Variants in XRN1 observed in about 807,000 individuals in gnomAD.
The protein encoded by XRN1 is 5'-3' exoribonuclease 1.
In XRN1, 67 loss-of-function variants were observed where a neutral mutation model predicts 222.3. That is an observed-to-expected ratio of 0.30 (90% CI 0.25 to 0.37). The LOEUF (loss-of-function observed/expected upper bound fraction) is 0.37. Ranked by LOEUF, XRN1 falls within the 10% of genes least tolerant of loss-of-function variation. The pLI is 1.00. For synonymous variants in XRN1, 643 were observed against 652.4 expected, an observed-to-expected ratio of 0.99 and a Z score of 0.22; for missense variants, 1,707 against 2,000.2, an observed-to-expected ratio of 0.85 and a Z score of 2.80.
chr3:142,325,483 G>A (rs181776256), intron 37 of XRN1, among the ~76,000 whole-genome samples: 35 of 151,894 alleles, frequency 2.3e-4, no homozygotes, highest in Non-Finnish European at 4.0e-4. Context: ...TTTGTTACAT[G>A]GGTATATTGC....
At chr3:142,409,076 TATACTCTGGATACCAGTCTC>T (rs1359914882) in intron 15 of XRN1, among the ~76,000 whole-genome samples, 1 of 152,268 alleles carries the variant, frequency 6.6e-6, no homozygotes, top group Non-Finnish European at 1.5e-5. Context: ...GAGCTGGTTA[TATACTCTGGATACCAGTCTC>T]ATGCATGTGT....
In XRN1 at chr3:142,425,268, T is replaced by C; in HGVS notation, c.581A>G (p.His194Arg). ...FIRSEKAKPD[H>R]DPNTRHCLYG... ...AAGACAGTGTCTGGTGTTTGGATCA[T>C]GATCTGGCTTTGCTTTCTCGGATCT... The change falls in exon 5 of 41, where the codon CAT becomes CGT. Residue 194 changes from histidine (H) to arginine (R), a missense_variant. This residue lies in a region of XRN1 where 1,234 missense variants were observed against 1,518.2 expected (regional missense o/e 0.81). Coordinates refer to ENST00000392981, the MANE Select transcript of XRN1 (RefSeq NM_001282857.2). The C allele has an allele frequency of 6.2e-7, 1 of 1,607,442 alleles. No homozygotes were observed. Among genetic ancestry groups the C allele is most frequent in the Non-Finnish European group, 8.5e-7 (1 of 1,176,786 alleles).
intron 13 of XRN1, among the ~76,000 whole-genome samples, chr3:142,415,497 G>C (rs1204957289): frequency 6.6e-6 from 1 of 152,162 alleles, no homozygotes; most frequent in African/African-American, 2.4e-5. Flanking sequence ...CTGTAAAAGG[G>C]AGAAAACAAT....
intron 23 of XRN1, among the ~76,000 whole-genome samples, chr3:142,378,069 G>A (rs80048296): frequency 1.3e-5 from 2 of 151,522 alleles, no homozygotes; most frequent in African/African-American, 4.8e-5. Flanking sequence ...TACTATTAGT[G>A]GAAAAAAAAA....
intron 33 of XRN1, among the ~76,000 whole-genome samples, chr3:142,339,893 C>T (rs2107783578): frequency 6.6e-6 from 1 of 152,244 alleles, no homozygotes; most frequent in South Asian, 2.1e-4. Flanking sequence ...GAGAAAGAAT[C>T]AGAATTCTAT....
At chr3:142,365,814 A>G (rs2066796465) in intron 27 of XRN1, among the ~76,000 whole-genome samples, 1 of 152,188 alleles carries the variant, frequency 6.6e-6, no homozygotes, top group Non-Finnish European at 1.5e-5. Flanking sequence ...TATAAATGCT[A>G]TCCTATTCAA....
chr3:142,332,121 G>T (rs1404277531), intron 36 of XRN1, among the ~76,000 whole-genome samples: 2 of 152,012 alleles, frequency 1.3e-5, no homozygotes, highest in Non-Finnish European at 2.9e-5. Context: ...ATAGTTTTAA[G>T]AATAAAAGTA....
At chr3:142,385,413 T>C (rs2067460351) in intron 20 of XRN1, among the ~76,000 whole-genome samples, 1 of 152,176 alleles carries the variant, frequency 6.6e-6, no homozygotes, top group Admixed American at 6.5e-5. Context: ...ACATCTAAAA[T>C]AGGTAAATCC....
intron 20 of XRN1, among the ~76,000 whole-genome samples, chr3:142,388,028 C>T (rs1003995199): frequency 6.6e-6 from 1 of 152,132 alleles, no homozygotes; most frequent in African/African-American, 2.4e-5. Flanking sequence ...GAACTTTGAG[C>T]CAAACATACC....
At chr3:142,444,915 C>T (rs185006097) in intron 1 of XRN1, among the ~76,000 whole-genome samples, 8 of 152,138 alleles carry the variant, frequency 5.3e-5, no homozygotes, top group Non-Finnish European at 1.0e-4. Context: ...TACTAATATA[C>T]CATGTCTATT....
chr3:142,323,792 C>T (rs2065431511), intron 37 of XRN1, among the ~76,000 whole-genome samples: 1 of 151,494 alleles, frequency 6.6e-6, no homozygotes, highest in Non-Finnish European at 1.5e-5. Context: ...AATGACACCC[C>T]ATCTCTTTAA....
At chr3:142,436,574 C>T (rs969361846) in intron 1 of XRN1, among the ~76,000 whole-genome samples, 2 of 152,026 alleles carry the variant, frequency 1.3e-5, no homozygotes, top group Admixed American at 6.6e-5. Context: ...GAAAAATAAT[C>T]AGATATGATT....
chr3:142,407,870 G>A (rs1269650913), intron 15 of XRN1: 2 of 152,124 alleles, frequency 1.3e-5, no homozygotes, highest in Non-Finnish European at 2.9e-5. Flanking sequence ...TTATCAGCCT[G>A]CCATTAAATG....
intron 12 of XRN1, 127 bp from the exon 13 acceptor site, chr3:142,417,356 G>A: frequency 7.0e-6 from 5 of 712,446 alleles, no homozygotes; most frequent in Non-Finnish European, 9.0e-6. Flanking sequence ...AGCTATTTAT[G>A]GCTAAAAATT....
intron 18 of XRN1, 53 bp from the exon 19 acceptor site, chr3:142,400,600 T>C (rs905717591): frequency 2.8e-6 from 4 of 1,425,862 alleles, no homozygotes; most frequent in African/African-American, 2.9e-5. Flanking sequence ...AAGAGAAAAC[T>C]TTACACAGGC....
At chr3:142,313,959 A>T (rs918175650) in intron 39 of XRN1, among the ~76,000 whole-genome samples, 3 of 152,184 alleles carry the variant, frequency 2.0e-5, no homozygotes, top group East Asian at 3.9e-4. Flanking sequence ...TTAGGTCTTG[A>T]AACTATCTAC....
chr3:142,368,472 A>C (rs2066886906), intron 27 of XRN1, among the ~76,000 whole-genome samples: 1 of 152,206 alleles, frequency 6.6e-6, no homozygotes, highest in African/African-American at 2.4e-5. Context: ...ATATTTTAAA[A>C]TGTAATCAAT....
Position 142,338,381 on chromosome 3 carries a change from G to A in XRN1, c.3878-2872C>T, listed in dbSNP as rs77780441. Among the ~76,000 whole-genome samples, 21 of 152,294 alleles carry A rather than the reference G, an allele frequency of 1.4e-4. No individual in the cohort carries two copies. In the East Asian group the frequency reaches 3.9e-3, roughly 28 times the overall value. ...CCAGAAGGGAACCTACAGTCCTGAA[G>A]GGAAGAACCCAGTCCTGGCAGGATT... On this transcript the variant is annotated intron_variant, in intron 33 of 40. Coordinates refer to ENST00000392981, the MANE Select transcript of XRN1 (RefSeq NM_001282857.2).
chr3:142,332,530 C>T lies in XRN1; in HGVS notation c.4067G>A (p.Gly1356Glu), dbSNP rs759342398. 1 of 1,605,798 alleles carries T rather than the reference C, an allele frequency of 6.2e-7. No homozygotes were observed. Among genetic ancestry groups the T allele is most frequent in the Non-Finnish European group, 8.5e-7 (1 of 1,176,174 alleles). The change falls in exon 36 of 41, where the codon GGA (glycine) becomes GAA (glutamate). Residue 1356 changes from glycine to glutamate, a missense_variant. By Grantham distance (98) the Gly-to-Glu change is moderately conservative. This residue lies in a region of XRN1 where 473 missense variants were observed against 482.0 expected (regional missense o/e 0.98). Transcript: ENST00000392981. ...HLSPQSFAMK[G>E]TRMLKEILKI... ...TAGAATTTCTTTAAGCATCCGTGTT[C>T]CCTTCTTTTTGAAAATGATTCACAT...
Sources: allele counts gnomAD v4.1 joint callset (sites outside exome capture counted in the v4.1 genomes callset), GRCh38; gene constraint gnomAD v4.1.1; regional missense constraint gnomAD v4.1.1; transcripts MANE v1.5; gene names NCBI Gene and HGNC (gene_info 2026-07-23, HGNC 2026-07-21).